The following CCNL1 variants were observed in gnomAD, a reference collection of about 807,000 sequenced individuals.
CCNL1 encodes cyclin L1, also known as cyclin-L1.
Under a neutral mutation model 60.6 loss-of-function variants are expected in CCNL1, and 13 were observed. That is an observed-to-expected ratio of 0.21 (90% confidence interval 0.14 to 0.34). The LOEUF (loss-of-function observed/expected upper bound fraction) is 0.34. Ranked by LOEUF, CCNL1 falls within the 10% of genes least tolerant of loss-of-function variation. The pLI is 1.00. For synonymous variants in CCNL1, 270 were observed against 244.3 expected (o/e 1.10, Z -0.98); for missense variants, 481 against 664.3 (o/e 0.72, Z 3.03).
rs369407739 is a variant in CCNL1, at chr3:157,154,933, T to TATACATACATACATAC, written c.489-1793_489-1778dup. 5.0e-3 allele frequency among the ~76,000 whole-genome samples: 746 copies of TATACATACATACATAC among 147,876 alleles called. 5 individuals are homozygous for TATACATACATACATAC. The highest frequency in any genetic ancestry group is 0.014 in the East Asian group (74 of 5,112). ...AACAACCTATCTCTCTCTCCATATA[T>TATACATACATACATAC]ATACATACATACATACATACATACA... On this transcript the variant is annotated intron_variant, in intron 3 of 10. Transcript: ENST00000295926.
downstream of CCNL1, among the ~76,000 whole-genome samples, chr3:157,146,305 G>T (rs572682552): frequency 1.3e-5 from 2 of 152,058 alleles, no homozygotes; most frequent in African/African-American, 2.4e-5. Flanking sequence ...CTTAGAAAAC[G>T]GATTCAGTAA....
At chr3:157,152,512 C>G in intron 4 of CCNL1, 1 of 1,128,370 alleles carries the variant, frequency 8.9e-7, no homozygotes, top group African/African-American at 1.7e-5. Flanking sequence ...TGATGGGCAC[C>G]GTGCTAGATT....
intron 8 of CCNL1, 111 bp downstream of exon 8, chr3:157,149,725 C>T (rs1435070279): frequency 6.8e-7 from 1 of 1,462,622 alleles, no homozygotes; most frequent in Non-Finnish European, 9.3e-7. Flanking sequence ...GAGAACATAG[C>T]AGCAGTTTCC....
chr3:157,143,948 C>T (rs1737713374), downstream of CCNL1, among the ~76,000 whole-genome samples: 1 of 152,160 alleles, frequency 6.6e-6, no homozygotes, highest in African/African-American at 2.4e-5. Context: ...TTAAATAGAT[C>T]ATTTTACCTA....
At chr3:157,159,511 G>C in intron 1 of CCNL1, 32 bp from the exon 2 acceptor site, 1 of 1,589,110 alleles carries the variant, frequency 6.3e-7, no homozygotes, top group South Asian at 1.1e-5. Context: ...GGAAGCGCAG[G>C]GGTCAGGCGG....
intron 10 of CCNL1, among the ~76,000 whole-genome samples, chr3:157,148,791 T>C (rs1391824216): frequency 6.6e-6 from 1 of 152,172 alleles, no homozygotes. Context: ...TTCTTATGTC[T>C]TTATTCCAAG....
At chr3:157,156,206 T>C (rs1164045032) in intron 3 of CCNL1, among the ~76,000 whole-genome samples, 1 of 152,206 alleles carries the variant, frequency 6.6e-6, no homozygotes. Context: ...TGCCAAGCAA[T>C]ATACAAAAAT....
chr3:157,152,877 A>T, intron 4 of CCNL1, 159 bp downstream of exon 4: 1 of 1,386,072 alleles, frequency 7.2e-7, no homozygotes, highest in Non-Finnish European at 9.3e-7. Flanking sequence ...GATAAATCTC[A>T]ACATCCAAAA....
chr3:157,149,983 G>A lies in CCNL1; in HGVS notation c.880-6C>T. The A allele has an allele frequency of 1.3e-6, 2 of 1,575,102 alleles. No homozygotes were observed. Among genetic ancestry groups the A allele is most frequent in the Non-Finnish European group, 8.6e-7 (1 of 1,168,522 alleles). ...TCCAGTAATTCATAGTTTGGCTGTTGGAGGAAAAAAAAGTTAGTATTTCTT... is the reference window on the plus strand; with the variant it reads ...TCCAGTAATTCATAGTTTGGCTGTTAGAGGAAAAAAAAGTTAGTATTTCTT... On this transcript the variant is annotated splice_region_variant and splice_polypyrimidine_tract_variant and intron_variant, in intron 7 of 10. Transcript: ENST00000295926.
intron 1 of CCNL1, 103 bp from the exon 2 acceptor site, chr3:157,159,582 G>GCCGCCGCCGCTGCGAACAGC: frequency 8.7e-7 from 1 of 1,152,166 alleles, no homozygotes; most frequent in Non-Finnish European, 1.3e-6. Flanking sequence ...CCCTCCCGCC[G>GCCGCCGCCGCTGCGAACAGC]CCGCCGCCGC....
In CCNL1 at chr3:157,148,476, T is replaced by G. The variant is rs1456625784; in HGVS notation, c.1346A>C (p.Lys449Thr). ...RHHNHGSPHL[K>T]AKHTRDDLKS... ...TAAATCATCTCTGGTATGCTTGGCC[T>G]TAAGGTGAGGAGAACCATGATTATG... The change falls in exon 11 of 11, where the codon AAG (lysine) becomes ACG (threonine). Residue 449 changes from lysine to threonine, a missense_variant. Physicochemically the swap from Lys to Thr is moderately conservative, Grantham distance 78. Around this residue, in one of 5 missense-constraint regions of CCNL1, gnomAD observed 197 missense variants for 233.9 expected, o/e 0.84. Transcript: ENST00000295926. 6.2e-7 allele frequency: 1 copy of G among 1,614,098 alleles called. No individual in the cohort carries two copies. Among genetic ancestry groups the G allele is most frequent in the African/African-American group, 1.3e-5 (1 of 74,918 alleles).
At chr3:157,146,709 T>C (rs1737796798), downstream of CCNL1, 1 of 345,500 alleles carries the variant, frequency 2.9e-6, no homozygotes, top group East Asian at 8.2e-5. Flanking sequence ...GTCTATCTTG[T>C]AGGGGAAGCA....
intron 8 of CCNL1, 42 bp from the exon 9 acceptor site, chr3:157,149,638 A>C: frequency 6.4e-7 from 1 of 1,568,082 alleles, no homozygotes; most frequent in Non-Finnish European, 8.7e-7. Context: ...TACTGGATTT[A>C]ACAGAGGGCC....
downstream of CCNL1, among the ~76,000 whole-genome samples, chr3:157,144,723 C>T (rs1737731265): frequency 6.6e-6 from 1 of 152,204 alleles, no homozygotes; most frequent in Non-Finnish European, 1.5e-5. Flanking sequence ...CTCTCCAAAC[C>T]CTTCAGTATG....
At chr3:157,151,859 A>C (rs1577071965) in intron 5 of CCNL1, 3 of 1,189,510 alleles carry the variant, frequency 2.5e-6, no homozygotes, top group Non-Finnish European at 3.2e-6. Flanking sequence ...CAGGGTAGCC[A>C]ATCAGGCCAT....
chr3:157,150,405 C>T (rs1364303850), intron 5 of CCNL1, 24 bp from the exon 6 acceptor site: 1 of 1,608,724 alleles, frequency 6.2e-7, no homozygotes, highest in Non-Finnish European at 8.5e-7. Context: ...CAACTATAAG[C>T]TTGCATGTAA....
At chr3:157,145,265 T>A (rs1737744917), downstream of CCNL1, among the ~76,000 whole-genome samples, 1 of 151,350 alleles carries the variant, frequency 6.6e-6, no homozygotes, top group Admixed American at 6.6e-5. Flanking sequence ...TGAAACCCCG[T>A]CTCTACTAAA....
chr3:157,151,187 G>A (rs903553488), intron 5 of CCNL1: 1 of 984,966 alleles, frequency 1.0e-6, no homozygotes, highest in Non-Finnish European at 1.2e-6. Context: ...TAAAAATAAT[G>A]AGACTTTTCT....
intron 3 of CCNL1, 83 bp downstream of exon 3, chr3:157,158,783 G>A: frequency 1.2e-6 from 1 of 852,048 alleles, no homozygotes; most frequent in East Asian, 2.6e-5. Context: ...GTATTCACTT[G>A]AAAGGAAAGA....
Sources: allele counts gnomAD v4.1 joint callset (sites outside exome capture counted in the v4.1 genomes callset), GRCh38; gene constraint gnomAD v4.1.1; regional missense constraint gnomAD v4.1.1; transcripts MANE v1.5; gene names NCBI Gene and HGNC (gene_info 2026-07-23, HGNC 2026-07-21).